SPAG17: variants seen among roughly 807,000 people sequenced by gnomAD.
The protein encoded by SPAG17 is sperm-associated antigen 17.
Under a neutral mutation model 273.6 loss-of-function variants are expected in SPAG17, and 169 were observed. The ratio of observed to expected loss-of-function variants is 0.62; its 90% CI spans 0.55 to 0.70. SPAG17 has a LOEUF of 0.70. Among genes scored for constraint, SPAG17 ranks in the 30% least tolerant of loss-of-function variants. SPAG17 has a pLI of 0.00. For synonymous variants in SPAG17, 825 were observed against 873.2 expected, an observed-to-expected ratio of 0.94 and a Z score of 0.97; for missense variants, 2,557 against 2,627.8, an observed-to-expected ratio of 0.97 and a Z score of 0.59.
At chr1:117,970,633 C>A (rs1330195724) in intron 45 of SPAG17, among the ~76,000 whole-genome samples, 1 of 152,112 alleles carries the variant, frequency 6.6e-6, no homozygotes, top group Non-Finnish European at 1.5e-5. Context: ...GCTTATTGAT[C>A]TCTCTCCCTT....
chr1:117,958,820 C>G, intron 48 of SPAG17: 43 of 544,316 alleles, frequency 7.9e-5, no homozygotes, highest in Non-Finnish European at 9.2e-5. Context: ...TTTGTTGTTG[C>G]TTTGATATTG....
At chr1:118,090,200 G>A (rs1420595216) in intron 10 of SPAG17, among the ~76,000 whole-genome samples, 4 of 152,120 alleles carry the variant, frequency 2.6e-5, no homozygotes, top group African/African-American at 7.2e-5. Context: ...AGTGCCTGGC[G>A]CCTGTAAGTG....
At chr1:118,012,517 T>A in intron 29 of SPAG17, 145 bp from the exon 30 acceptor site, 1 of 802,860 alleles carries the variant, frequency 1.2e-6, no homozygotes. Context: ...CTACCTGATC[T>A]AACCTTCATA....
At chr1:118,166,553 A>G (rs1660179478) in intron 1 of SPAG17, among the ~76,000 whole-genome samples, 1 of 152,146 alleles carries the variant, frequency 6.6e-6, no homozygotes, top group Admixed American at 6.5e-5. Context: ...GTGCTGGAAG[A>G]TTTATTTCCT....
At chr1:118,117,334 C>T (rs1191452450) in intron 3 of SPAG17, among the ~76,000 whole-genome samples, 1 of 152,108 alleles carries the variant, frequency 6.6e-6, no homozygotes, top group African/African-American at 2.4e-5. Context: ...TGAAGCCTGC[C>T]TGGTGTCATG....
At chr1:118,098,820 G>C (rs549400182) in intron 6 of SPAG17, among the ~76,000 whole-genome samples, 323 of 152,112 alleles carry the variant, frequency 2.1e-3, no homozygotes, top group African/African-American at 7.5e-3. Flanking sequence ...TATTATCAAG[G>C]GTAGCTATTT....
chr1:118,115,501 C>A, intron 3 of SPAG17, 60 bp from the exon 4 acceptor site: 2 of 1,483,098 alleles, frequency 1.3e-6, no homozygotes, highest in African/African-American at 1.4e-5. Context: ...CACAGTCTGT[C>A]AGTGATGAAA....
At chr1:118,161,386 T>A (rs1053818857) in intron 1 of SPAG17, among the ~76,000 whole-genome samples, 1 of 152,118 alleles carries the variant, frequency 6.6e-6, no homozygotes, top group Non-Finnish European at 1.5e-5. Flanking sequence ...AGGGTAAAAG[T>A]ATTAATCAAG....
intron 1 of SPAG17, among the ~76,000 whole-genome samples, chr1:118,172,190 C>A (rs1558061012): frequency 6.6e-6 from 1 of 152,022 alleles, no homozygotes; most frequent in East Asian, 1.9e-4. Context: ...GTAGATGTTT[C>A]CAAATATTTT....
intron 3 of SPAG17, among the ~76,000 whole-genome samples, chr1:118,120,109 G>A (rs1657336478): frequency 6.6e-6 from 1 of 152,042 alleles, no homozygotes; most frequent in Non-Finnish European, 1.5e-5. Context: ...CTGTATGAAA[G>A]GGTCCGTTCC....
rs1659310590 is a variant in SPAG17 at position 118,150,457 on chromosome 1, T to C, written c.315+86A>G. 4.4e-6 allele frequency: 3 copies of C among 682,712 alleles called. No homozygotes were observed. The Admixed American group carries it at 9.1e-5, about 21-fold the overall frequency. 42.3% of individuals were successfully genotyped at this position (682,712 alleles called of 1,614,324 possible). ...GGAGCAGGCATTTATTTTCAAAGAA[T>C]GAAATTTAAAAATGGCTATCAAATT... On this transcript the variant is annotated intron_variant, in intron 3 of 48. Coordinates refer to ENST00000336338, the MANE Select transcript of SPAG17 (RefSeq NM_206996.4).
intron 24 of SPAG17, among the ~76,000 whole-genome samples, chr1:118,033,150 C>T (rs1320326509): frequency 6.6e-6 from 1 of 152,138 alleles, no homozygotes; most frequent in Non-Finnish European, 1.5e-5. Context: ...CTCCAATTGT[C>T]ATCTACATGC....
At chr1:118,116,605 T>C (rs541625745) in intron 3 of SPAG17, among the ~76,000 whole-genome samples, 220 of 152,242 alleles carry the variant, frequency 1.4e-3, no homozygotes, top group African/African-American at 5.0e-3. Context: ...CCAAGGGAAA[T>C]AGCCGGAAGA....
At position 117,973,508 on chromosome 1, in the gene SPAG17, C is replaced by G. The variant is rs142597408; in HGVS notation, c.6058G>C (p.Val2020Leu). ...TTTTCTTTTCTTGTTTGTCCCGCAACATCCTGCAGCAAGGACTGGGTTGGA... is the reference window on the plus strand; with the variant it reads ...TTTTCTTTTCTTGTTTGTCCCGCAAGATCCTGCAGCAAGGACTGGGTTGGA... ...KIPTQSLLQD[V>L]AGQTRKEKVK... The change falls in exon 44 of 49, where the codon GTT (valine) becomes CTT (leucine). Residue 2020 changes from valine to leucine, a missense_variant. Coordinates refer to ENST00000336338, the MANE Select transcript of SPAG17 (RefSeq NM_206996.4). The G allele has an allele frequency of 6.2e-7, 1 of 1,613,974 alleles. No homozygotes were observed. Among genetic ancestry groups the G allele is most frequent in the South Asian group, 1.1e-5 (1 of 91,082 alleles).
chr1:118,073,266 C>T (rs1246290572), intron 17 of SPAG17, among the ~76,000 whole-genome samples: 2 of 152,192 alleles, frequency 1.3e-5, no homozygotes, highest in Non-Finnish European at 2.9e-5. Flanking sequence ...TAGCTTCTCA[C>T]TTAGCTGCCA....
Position 118,074,587 on chromosome 1 carries a change from G to T in SPAG17, c.2223C>A (p.Asn741Lys). 1.9e-6 allele frequency: 3 copies of T among 1,613,546 alleles called. No homozygotes were observed. The highest frequency in any genetic ancestry group is 1.3e-5 in the African/African-American group (1 of 74,994). ...PQHESLEQTT[N>K]NEIKDDAVTK... is the part of the protein sequence containing the mutation. The stretch of plus-strand genomic sequence containing the variant: ...TGACTGCATCATCTTTGATCTCATT[G>T]TTTGTGGTCTGCTCTGCAAATCAAA... The change falls in exon 16 of 49, where the codon AAC (asparagine) becomes AAA (lysine). Residue 741 changes from asparagine (N) to lysine (K), a missense_variant. Asn to Lys is a moderately conservative substitution (Grantham distance 94). Transcript: ENST00000336338.
At chr1:117,972,108 A>T in intron 44 of SPAG17, 61 bp from the exon 45 acceptor site, 4 of 1,442,412 alleles carry the variant, frequency 2.8e-6, no homozygotes, top group Non-Finnish European at 3.7e-6. Flanking sequence ...ATTAAAAAAA[A>T]AAAAGTCCCT....
At chr1:118,184,574 A>G (rs1333675843) in intron 1 of SPAG17, among the ~76,000 whole-genome samples, 1 of 152,212 alleles carries the variant, frequency 6.6e-6, no homozygotes, top group East Asian at 1.9e-4. Flanking sequence ...ACATTAAAAA[A>G]TCATCTTTTC....
chr1:117,980,630 G>C (rs973390559), intron 43 of SPAG17, among the ~76,000 whole-genome samples: 4 of 152,146 alleles, frequency 2.6e-5, no homozygotes, highest in Admixed American at 6.5e-5. Flanking sequence ...ATTCAGCATG[G>C]AACATGCCCA....
Sources: gnomAD v4.1 joint callset for allele counts (sites outside exome capture counted in the v4.1 genomes callset) on GRCh38, gnomAD v4.1.1 for gene constraint, MANE v1.5 for transcripts, NCBI Gene and HGNC (gene_info 2026-07-23, HGNC 2026-07-21) for gene names.